The following FAM13A variants were observed in gnomAD, a reference collection of about 807,000 sequenced individuals.
The protein encoded by FAM13A is family with sequence similarity 13 member A.
FAM13A carries 76 observed loss-of-function variants against 129.6 expected under a neutral mutation model. That is an observed-to-expected ratio of 0.59 (90% CI 0.49 to 0.71). The LOEUF is 0.71. Among genes scored for constraint, FAM13A ranks in the 30% least tolerant of loss-of-function variants. FAM13A has a pLI of 0.00. For missense variants in FAM13A, 1,108 were observed against 1,249.3 expected, an observed-to-expected ratio of 0.89 and a Z score of 1.70; for synonymous variants, 443 against 449.9, an observed-to-expected ratio of 0.98 and a Z score of 0.20.
intron 7 of FAM13A, among the ~76,000 whole-genome samples, chr4:88,805,641 C>G (rs543961342): frequency 2.6e-5 from 4 of 151,318 alleles, no homozygotes; most frequent in African/African-American, 9.7e-5. Context: ...ACAACACAGA[C>G]AAAATATGAA....
rs1722816813 is a variant in FAM13A, at chr4:88,781,352, C to T, written c.1272-1G>A. 1 of 1,580,486 alleles carries T rather than the reference C, an allele frequency of 6.3e-7. No homozygotes were observed. Among genetic ancestry groups the T allele is most frequent in the Non-Finnish European group, 8.6e-7 (1 of 1,164,628 alleles). On this transcript the variant is annotated splice_acceptor_variant, in intron 10 of 23. Coordinates refer to ENST00000264344, the MANE Select transcript of FAM13A (RefSeq NM_014883.4). LOFTEE classifies it high-confidence loss of function. ...AGTATTTTCTTTGTTGATAAGTCCC[C>T]TTGAATTGAGAAAAAAGCTTAATTT...
chr4:88,896,762 A>T (rs2150189773), intron 6 of FAM13A, among the ~76,000 whole-genome samples: 1 of 152,356 alleles, frequency 6.6e-6, no homozygotes, highest in African/African-American at 2.4e-5. Flanking sequence ...TAAAAGAAAC[A>T]TCTATGAAAG....
At chr4:89,005,552 C>T (rs952205908) in intron 3 of FAM13A, among the ~76,000 whole-genome samples, 4 of 152,124 alleles carry the variant, frequency 2.6e-5, no homozygotes, top group Non-Finnish European at 5.9e-5. Flanking sequence ...TAAGGATTCC[C>T]TTTTCTTTAC....
chr4:88,941,819 T>C (rs1754804924), intron 4 of FAM13A, among the ~76,000 whole-genome samples: 2 of 152,340 alleles, frequency 1.3e-5, no homozygotes, highest in South Asian at 2.1e-4. Flanking sequence ...GTTTGTGCTA[T>C]GGCAGGGCAC....
intron 5 of FAM13A, among the ~76,000 whole-genome samples, chr4:88,921,647 C>T (rs376075988): frequency 1.7e-4 from 26 of 152,226 alleles, no homozygotes; most frequent in African/African-American, 5.5e-4. Flanking sequence ...CATCAACTAA[C>T]GAGCAAAATA....
At chr4:88,805,836 T>A (rs1356055376) in intron 7 of FAM13A, among the ~76,000 whole-genome samples, 1 of 151,804 alleles carries the variant, frequency 6.6e-6, no homozygotes, top group Non-Finnish European at 1.5e-5. Flanking sequence ...GTCAGGCTAG[T>A]TTTTTATTTT....
At chr4:89,055,229 T>A (rs1326812286) in intron 1 of FAM13A, among the ~76,000 whole-genome samples, 2 of 152,084 alleles carry the variant, frequency 1.3e-5, no homozygotes, top group East Asian at 3.9e-4. Flanking sequence ...ATGTTTAAAA[T>A]TTTTTTTGTT....
At chr4:89,037,615 A>G (rs1417169721) in intron 1 of FAM13A, among the ~76,000 whole-genome samples, 7 of 152,166 alleles carry the variant, frequency 4.6e-5, no homozygotes, top group African/African-American at 1.7e-4. Context: ...GCAATGTTAG[A>G]AGGACATGAG....
At chr4:88,857,582 T>C (rs1180700559) in intron 6 of FAM13A, among the ~76,000 whole-genome samples, 1 of 149,962 alleles carries the variant, frequency 6.7e-6, no homozygotes, top group Admixed American at 6.7e-5. Flanking sequence ...TGAGTGAAGA[T>C]TGTGCCACTG....
chr4:88,893,840 A>G (rs1055177859), intron 6 of FAM13A, among the ~76,000 whole-genome samples: 1 of 151,586 alleles, frequency 6.6e-6, no homozygotes, highest in Non-Finnish European at 1.5e-5. Context: ...AAAAAAAAAA[A>G]AAAGAAACAG....
intron 4 of FAM13A, among the ~76,000 whole-genome samples, chr4:88,958,030 T>A (rs1447799895): frequency 6.6e-6 from 1 of 151,210 alleles, no homozygotes; most frequent in Non-Finnish European, 1.5e-5. Flanking sequence ...AAGCAGAGCA[T>A]AAAGTTTGGA....
chr4:89,022,407 A>G (rs1767394842), intron 2 of FAM13A, among the ~76,000 whole-genome samples: 3 of 152,178 alleles, frequency 2.0e-5, no homozygotes, highest in Admixed American at 2.0e-4. Context: ...TATACATATT[A>G]TTTGGCTGTG....
chr4:88,925,204 G>A (rs1751890570), intron 5 of FAM13A, among the ~76,000 whole-genome samples: 1 of 152,044 alleles, frequency 6.6e-6, no homozygotes, highest in African/African-American at 2.4e-5. Context: ...CCCATTAGTG[G>A]GTATATACTC....
At chr4:88,870,168 A>G (rs1212134901) in intron 6 of FAM13A, among the ~76,000 whole-genome samples, 1 of 152,082 alleles carries the variant, frequency 6.6e-6, no homozygotes, top group Non-Finnish European at 1.5e-5. Flanking sequence ...GAGTGAAAAC[A>G]AGATGGCTGA....
chr4:89,019,688 G>A (rs1210985778), intron 3 of FAM13A, among the ~76,000 whole-genome samples: 2 of 150,162 alleles, frequency 1.3e-5, no homozygotes, highest in Non-Finnish European at 3.0e-5. Flanking sequence ...TTGAACCCAG[G>A]AGGCAGAAGT....
intron 7 of FAM13A, among the ~76,000 whole-genome samples, chr4:88,808,982 G>A (rs117089001): frequency 2.0e-5 from 3 of 152,138 alleles, no homozygotes; most frequent in East Asian, 3.9e-4. Flanking sequence ...TTTTATCTAC[G>A]TTTTAGCAGA....
intron 6 of FAM13A, among the ~76,000 whole-genome samples, chr4:88,881,198 C>T (rs752207018): frequency 5.3e-5 from 8 of 152,210 alleles, no homozygotes; most frequent in Non-Finnish European, 1.0e-4. Context: ...AACAAAACTA[C>T]AACTAAGGAC....
At chr4:89,049,721 T>C (rs1771304975) in intron 1 of FAM13A, among the ~76,000 whole-genome samples, 1 of 151,952 alleles carries the variant, frequency 6.6e-6, no homozygotes, top group Admixed American at 6.6e-5. Context: ...CAGTGGTGCA[T>C]CTCAGCTCAC....
intron 7 of FAM13A, among the ~76,000 whole-genome samples, chr4:88,842,381 C>G (rs1277725286): frequency 6.6e-6 from 1 of 152,214 alleles, no homozygotes; most frequent in Admixed American, 6.5e-5. Flanking sequence ...ACCACAGAAG[C>G]GTAAACCAGG....
Sources: allele counts gnomAD v4.1 joint callset (sites outside exome capture counted in the v4.1 genomes callset), GRCh38; gene constraint gnomAD v4.1.1; transcripts MANE v1.5; gene names NCBI Gene and HGNC (gene_info 2026-07-23, HGNC 2026-07-21).